Variants in LRRC8D observed in about 807,000 individuals in gnomAD.
The protein encoded by LRRC8D is leucine rich repeat containing 8 VRAC subunit D.
LRRC8D carries 20 observed loss-of-function variants against 55.8 expected under a neutral mutation model. The observed-to-expected ratio is 0.36, with a 90% CI of 0.25 to 0.52. The LOEUF is 0.52. Ranked by LOEUF, LRRC8D falls within the 20% of genes least tolerant of loss-of-function variation. LRRC8D has a pLI of 0.93. For missense variants in LRRC8D, 651 were observed against 1,030.8 expected (o/e 0.63, Z 5.05); for synonymous variants, 352 against 377.0 (o/e 0.93, Z 0.77).
At chr1:89,844,697 T>A (rs533969840) in intron 2 of LRRC8D, among the ~76,000 whole-genome samples, 104 of 152,302 alleles carry the variant, frequency 6.8e-4, no homozygotes, top group Non-Finnish European at 1.3e-3. Context: ...CTACAGACGT[T>A]TTGCATCTTT....
At chr1:89,880,398 G>T (rs1243333636) in intron 2 of LRRC8D, among the ~76,000 whole-genome samples, 2 of 151,746 alleles carry the variant, frequency 1.3e-5, no homozygotes, top group Non-Finnish European at 2.9e-5. Context: ...CTGTAATAAT[G>T]TGAAATCTCA....
chr1:89,874,957 A>G (rs1662112982), intron 2 of LRRC8D, among the ~76,000 whole-genome samples: 1 of 152,152 alleles, frequency 6.6e-6, no homozygotes, highest in Non-Finnish European at 1.5e-5. Flanking sequence ...TGTTCCTATA[A>G]TGGGAATTTG....
rs1357814373 is a variant in LRRC8D at position 89,935,601 on chromosome 1, G to A, written c.2533G>A (p.Ala845Thr). 1 of 1,614,128 alleles carries A rather than the reference G, an allele frequency of 6.2e-7. No individual in the cohort carries two copies. The highest frequency in any genetic ancestry group is 8.5e-7 in the Non-Finnish European group (1 of 1,180,036). Residue 845 changes from alanine to threonine, a missense_variant, in exon 3 of 3, where the codon GCA becomes ACA. Coordinates refer to ENST00000337338, the MANE Select transcript of LRRC8D (RefSeq NM_001134479.2). ...TACCCTGCCACTCGAAGTCAAAGAGGCATTGAATCAAGACATAAATATTCC... is the reference window on the plus strand; with the variant it reads ...TACCCTGCCACTCGAAGTCAAAGAGACATTGAATCAAGACATAAATATTCC... ...FDTLPLEVKEALNQDINIPFA... is the reference protein window; with the variant it reads ...FDTLPLEVKETLNQDINIPFA...
intron 1 of LRRC8D, among the ~76,000 whole-genome samples, chr1:89,829,086 A>G (rs1453393499): frequency 6.6e-6 from 1 of 152,232 alleles, no homozygotes; most frequent in East Asian, 1.9e-4. Context: ...AAGAAATACT[A>G]GAAAATTAAA....
chr1:89,873,182 C>T (rs899031371), intron 2 of LRRC8D, among the ~76,000 whole-genome samples: 1 of 152,120 alleles, frequency 6.6e-6, no homozygotes, highest in African/African-American at 2.4e-5. Flanking sequence ...TTCAACCTGT[C>T]CTCTTTGAAA....
chr1:89,886,970 A>G (rs543369023), intron 2 of LRRC8D, among the ~76,000 whole-genome samples: 147 of 152,220 alleles, frequency 9.7e-4, no homozygotes, highest in Non-Finnish European at 1.7e-3. Flanking sequence ...TTAAAAAGAC[A>G]TTTTTAAAAA....
At chr1:89,901,844 C>T (rs1405703286) in intron 2 of LRRC8D, among the ~76,000 whole-genome samples, 2 of 152,230 alleles carry the variant, frequency 1.3e-5, no homozygotes, top group Non-Finnish European at 2.9e-5. Flanking sequence ...ACGCTATAAT[C>T]TTTGCAGTAC....
intron 2 of LRRC8D, among the ~76,000 whole-genome samples, chr1:89,862,335 A>T (rs971150625): frequency 6.6e-6 from 1 of 152,128 alleles, no homozygotes; most frequent in Non-Finnish European, 1.5e-5. Flanking sequence ...GAGTCATTTC[A>T]TTGTAGCTCA....
intron 2 of LRRC8D, among the ~76,000 whole-genome samples, chr1:89,917,356 A>G (rs1167203863): frequency 6.6e-6 from 1 of 152,110 alleles, no homozygotes; most frequent in Non-Finnish European, 1.5e-5. Flanking sequence ...GCCCAGAGTA[A>G]TCTTTAAAAG....
At chr1:89,874,533 C>G (rs1662103036) in intron 2 of LRRC8D, among the ~76,000 whole-genome samples, 1 of 151,092 alleles carries the variant, frequency 6.6e-6, no homozygotes, top group Non-Finnish European at 1.5e-5. Flanking sequence ...GTGAAGTTTA[C>G]TATTACCCTT....
chr1:89,890,983 A>G (rs1662563883), intron 2 of LRRC8D, among the ~76,000 whole-genome samples: 1 of 151,998 alleles, frequency 6.6e-6, no homozygotes. Context: ...CCGGGTTCAC[A>G]CCATTCTGCT....
intron 2 of LRRC8D, among the ~76,000 whole-genome samples, chr1:89,889,882 GA>G (rs200953405): frequency 1.4e-5 from 2 of 146,120 alleles, no homozygotes; most frequent in African/African-American, 2.5e-5. Flanking sequence ...GACCCTGTCT[GA>G]AAAAAAAACA....
chr1:89,855,743 G>T (rs1661537825), intron 2 of LRRC8D, among the ~76,000 whole-genome samples: 1 of 152,132 alleles, frequency 6.6e-6, no homozygotes, highest in Non-Finnish European at 1.5e-5. Context: ...AGTGAAAATA[G>T]TTAAAAAATT....
At chr1:89,892,055 C>T (rs1662591104) in intron 2 of LRRC8D, among the ~76,000 whole-genome samples, 1 of 152,172 alleles carries the variant, frequency 6.6e-6, no homozygotes, top group Non-Finnish European at 1.5e-5. Context: ...GCCTGTGTAA[C>T]CCCAGTTCAT....
chr1:89,821,446 CG>C lies in LRRC8D; in HGVS notation c.-148+158del, dbSNP rs930854017. 1.1e-4 allele frequency among the ~76,000 whole-genome samples: 17 copies of C among 152,268 alleles called. 2 individuals carry two copies. Among genetic ancestry groups the C allele is most frequent in the Admixed American group, 8.5e-4 (13 of 15,306 alleles). On this transcript the variant is annotated intron_variant, in intron 1 of 2. Transcript: ENST00000337338. ...AACTCATTCGGGGACGTCCGGGGGTCGGGAGGAGGTGGCGGCGAGCGGAGTG... is the reference window on the plus strand; with the variant it reads ...AACTCATTCGGGGACGTCCGGGGGTCGGAGGAGGTGGCGGCGAGCGGAGTG...
intron 2 of LRRC8D, among the ~76,000 whole-genome samples, chr1:89,853,121 G>A (rs1326681404): frequency 6.6e-6 from 1 of 152,160 alleles, no homozygotes; most frequent in East Asian, 1.9e-4. Context: ...GAAAGGAAAG[G>A]CGAGACTGGA....
intron 2 of LRRC8D, among the ~76,000 whole-genome samples, chr1:89,927,511 C>T (rs1433090276): frequency 1.3e-5 from 2 of 152,200 alleles, no homozygotes; most frequent in African/African-American, 4.8e-5. Context: ...CATTCTCATA[C>T]ATGTTTTTGG....
intron 1 of LRRC8D, among the ~76,000 whole-genome samples, chr1:89,837,828 A>C (rs916107973): frequency 1.3e-5 from 2 of 152,212 alleles, no homozygotes; most frequent in Non-Finnish European, 2.9e-5. Context: ...AGGAGATGAA[A>C]TTTAAAGTAT....
At chr1:89,904,952 G>C (rs1570877382) in intron 2 of LRRC8D, among the ~76,000 whole-genome samples, 1 of 151,934 alleles carries the variant, frequency 6.6e-6, no homozygotes, top group South Asian at 2.1e-4. Context: ...ATGCACAGCT[G>C]ATTTTTTAGT....
Sources: gnomAD v4.1 joint callset for allele counts (sites outside exome capture counted in the v4.1 genomes callset) on GRCh38, gnomAD v4.1.1 for gene constraint, MANE v1.5 for transcripts, NCBI Gene and HGNC (gene_info 2026-07-23, HGNC 2026-07-21) for gene names.